Variants in CPXM2 observed in about 807,000 individuals in gnomAD.
CPXM2 encodes inactive carboxypeptidase-like protein X2.
A neutral mutation model predicts 86.1 loss-of-function variants in CPXM2; 66 were observed. The ratio of observed to expected loss-of-function variants is 0.77; its 90% confidence interval spans 0.63 to 0.94. The LOEUF (loss-of-function observed/expected upper bound fraction) is 0.94, where lower values mean the gene tolerates loss of function less well. Ranked by LOEUF, CPXM2 falls within the 40% of genes least tolerant of loss-of-function variation. The pLI is 0.00. For missense variants in CPXM2, 948 were observed against 1,026.3 expected (o/e 0.92, Z 1.04); for synonymous variants, 388 against 400.2 (o/e 0.97, Z 0.36).
At chr10:123,854,415 A>T (rs1490966038) in intron 3 of CPXM2, among the ~76,000 whole-genome samples, 6 of 116,142 alleles carry the variant, frequency 5.2e-5, no homozygotes, top group African/African-American at 2.0e-4. Context: ...ATTATATATA[A>T]AATATATAAT....
intron 4 of CPXM2, among the ~76,000 whole-genome samples, chr10:123,829,214 A>G (rs1241384133): frequency 1.3e-5 from 2 of 152,234 alleles, no homozygotes; most frequent in African/African-American, 2.4e-5. Flanking sequence ...AAAAATAGTG[A>G]TAAGATTAAA....
intron 3 of CPXM2, 34 bp from the exon 4 acceptor site, chr10:123,842,522 A>G: frequency 6.2e-7 from 1 of 1,607,024 alleles, no homozygotes; most frequent in South Asian, 1.1e-5. Context: ...CTTCAAAAAG[A>G]CTCTTAATTG....
chr10:123,787,697 C>A (rs1029562533), intron 6 of CPXM2, among the ~76,000 whole-genome samples: 1 of 152,044 alleles, frequency 6.6e-6, no homozygotes, highest in Admixed American at 6.6e-5. Flanking sequence ...CTGGTTGGGA[C>A]CTTGACTGAA....
chr10:123,892,894 T>C (rs577708997), upstream of CPXM2, among the ~76,000 whole-genome samples: 1 of 152,348 alleles, frequency 6.6e-6, no homozygotes, highest in East Asian at 1.9e-4. Flanking sequence ...GGCCTCTCCC[T>C]GGTCCTCGCA....
chr10:123,760,763 A>G (rs1165396446), intron 11 of CPXM2, among the ~76,000 whole-genome samples: 1 of 152,122 alleles, frequency 6.6e-6, no homozygotes, highest in Non-Finnish European at 1.5e-5. Flanking sequence ...AGCTTCCTAG[A>G]GGGAGCTGGT....
At chr10:123,844,159 G>C (rs1023554079) in intron 3 of CPXM2, among the ~76,000 whole-genome samples, 1 of 152,108 alleles carries the variant, frequency 6.6e-6, no homozygotes, top group Non-Finnish European at 1.5e-5. Context: ...ACCAGCCCCA[G>C]AGATGTTACA....
chr10:123,781,513 C>T (rs145658968), intron 6 of CPXM2, among the ~76,000 whole-genome samples: 91 of 152,248 alleles, frequency 6.0e-4, no homozygotes, highest in Non-Finnish European at 1.0e-3. Context: ...CAGTGTTCAG[C>T]GCTCCCTCCA....
At chr10:123,814,006 T>C (rs573247736) in intron 4 of CPXM2, among the ~76,000 whole-genome samples, 2 of 152,296 alleles carry the variant, frequency 1.3e-5, no homozygotes, top group East Asian at 3.9e-4. Flanking sequence ...GTGATCACAG[T>C]TGATTGGCCT....
chr10:123,747,871 G>A (rs1415234946), intron 13 of CPXM2, among the ~76,000 whole-genome samples: 4 of 149,758 alleles, frequency 2.7e-5, no homozygotes, highest in Non-Finnish European at 5.9e-5. Context: ...GCAGTGAGCT[G>A]GGATCACGCC....
intron 10 of CPXM2, among the ~76,000 whole-genome samples, chr10:123,762,403 A>G (rs1049790209): frequency 6.6e-6 from 1 of 152,132 alleles, no homozygotes; most frequent in African/African-American, 2.4e-5. Context: ...GGGAGGGGGG[A>G]ATAACAGGGG....
At chr10:123,764,284 A>C (rs1364862662) in intron 10 of CPXM2, among the ~76,000 whole-genome samples, 1 of 152,154 alleles carries the variant, frequency 6.6e-6, no homozygotes, top group Non-Finnish European at 1.5e-5. Flanking sequence ...GAATTTACTA[A>C]TCTTTTATGA....
chr10:123,919,236 T>G (rs1945561376), intron 2 of CPXM2, among the ~76,000 whole-genome samples: 1 of 152,124 alleles, frequency 6.6e-6, no homozygotes, highest in African/African-American at 2.4e-5. Context: ...ACATTGAAAC[T>G]CCGGCCCACA....
chr10:123,862,491 C>T (rs1055810681), intron 3 of CPXM2, 123 bp downstream of exon 3: 28 of 832,748 alleles, frequency 3.4e-5, no homozygotes, highest in Admixed American at 2.8e-4. Context: ...TCAGCAATAT[C>T]CTTTCTTACT....
chr10:123,825,209 G>A (rs1159169426), intron 4 of CPXM2, among the ~76,000 whole-genome samples: 1 of 152,134 alleles, frequency 6.6e-6, no homozygotes, highest in Admixed American at 6.5e-5. Context: ...CACATACAGT[G>A]TGTATGTGTG....
At position 123,842,453 on chromosome 10, in the gene CPXM2, C is replaced by A. The variant is rs199715698; in HGVS notation, c.549G>T (p.Ala183=). Residue 183 remains alanine (A), a synonymous_variant, in exon 4 of 14, where the codon GCG becomes GCT. Coordinates refer to ENST00000241305, the MANE Select transcript of CPXM2 (RefSeq NM_198148.3). ...GINENDFYDG[A]WCAGRNDLQQ... is the part of the protein sequence containing the mutation. ...GGAGGTCATTTCTTCCCGCGCACCA[C>A]GCTCCGTCATAAAAATCATTTTCAT... 5 of 1,614,200 alleles carry A rather than the reference C, an allele frequency of 3.1e-6. No homozygotes were observed. The highest frequency in any genetic ancestry group is 4.2e-6 in the Non-Finnish European group (5 of 1,180,022).
At chr10:123,792,971 AAGG>A (rs998043765) in intron 6 of CPXM2, among the ~76,000 whole-genome samples, 2 of 152,198 alleles carry the variant, frequency 1.3e-5, no homozygotes, top group African/African-American at 4.8e-5. Flanking sequence ...AACCCTAGGG[AAGG>A]AGGAGATTTG....
intron 1 of CPXM2, among the ~76,000 whole-genome samples, chr10:123,886,291 C>T (rs2134242634): frequency 6.6e-6 from 1 of 152,164 alleles, no homozygotes; most frequent in African/African-American, 2.4e-5. Flanking sequence ...TCCTTACACA[C>T]TCCCATTTTG....
intron 10 of CPXM2, among the ~76,000 whole-genome samples, chr10:123,763,808 A>G (rs927790813): frequency 6.6e-6 from 1 of 152,194 alleles, no homozygotes; most frequent in Non-Finnish European, 1.5e-5. Context: ...GTCTTCTGGT[A>G]CATATGTGTT....
At chr10:123,910,350 T>G (rs898555093) in intron 2 of CPXM2, among the ~76,000 whole-genome samples, 3 of 152,090 alleles carry the variant, frequency 2.0e-5, no homozygotes, top group African/African-American at 7.2e-5. Context: ...GTCAAATCAA[T>G]GGCCAAGATC....
Sources: allele counts gnomAD v4.1 joint callset (sites outside exome capture counted in the v4.1 genomes callset), GRCh38; gene constraint gnomAD v4.1.1; transcripts MANE v1.5; gene names NCBI Gene and HGNC (gene_info 2026-07-23, HGNC 2026-07-21).